The following ASIC2 variants were observed in gnomAD, a reference collection of about 807,000 sequenced individuals.
ASIC2 encodes the protein acid-sensing ion channel 2.
Under a neutral mutation model 57.3 loss-of-function variants are expected in ASIC2, and 25 were observed. The observed-to-expected ratio is 0.44, with a 90% CI of 0.32 to 0.61. ASIC2 has a LOEUF of 0.61. Ranked by LOEUF, ASIC2 falls within the 20% of genes least tolerant of loss-of-function variation. ASIC2 has a pLI of 0.06. For missense variants in ASIC2, 641 were observed against 738.1 expected (o/e 0.87, Z 1.52); for synonymous variants, 319 against 307.5 (o/e 1.04, Z -0.39).
intron 1 of ASIC2, among the ~76,000 whole-genome samples, chr17:33,602,878 T>C (rs555958882): frequency 6.6e-6 from 1 of 152,358 alleles, no homozygotes; most frequent in African/African-American, 2.4e-5. Flanking sequence ...CATCATTCTT[T>C]CTACCTTGTA....
At chr17:33,809,262 C>A (rs577424219) in intron 1 of ASIC2, among the ~76,000 whole-genome samples, 1 of 152,322 alleles carries the variant, frequency 6.6e-6, no homozygotes, top group Non-Finnish European at 1.5e-5. Flanking sequence ...TCTCAACTGG[C>A]GTTCCAGCCC....
intron 1 of ASIC2, among the ~76,000 whole-genome samples, chr17:33,836,847 C>T (rs1444842162): frequency 6.6e-6 from 1 of 151,826 alleles, no homozygotes; most frequent in Non-Finnish European, 1.5e-5. Flanking sequence ...AGCAAGACTC[C>T]GTCTCAAAAA....
At position 33,292,685 on chromosome 17, in the gene ASIC2, C is replaced by T. The variant is rs1905545570; in HGVS notation, c.-570G>A. ...GCCAAGGAACGAGCGCCCCCAGAGG[C>T]GCACCGCGGCTCCTGGCTGGGCGGG... is the stretch of plus-strand genomic sequence containing the variant. On this transcript the variant is annotated 5_prime_UTR_variant, in exon 1 of 10. Coordinates refer to ENST00000225823, the MANE Select transcript of ASIC2 (RefSeq NM_183377.2). 2 of 985,592 alleles carry T rather than the reference C, an allele frequency of 2.0e-6. No homozygotes were observed. Among genetic ancestry groups the T allele is most frequent in the Non-Finnish European group, 2.4e-6 (2 of 830,060 alleles). 61.1% of individuals were successfully genotyped at this position (985,592 alleles called of 1,614,324 possible).
In ASIC2 at chr17:33,098,392, C is replaced by T. The variant is rs1398970474; in HGVS notation, c.860-9402G>A. Reference sequence around the variant, plus strand: ...AGGCACTGTAGGGCAGCATCTCTAGCTAAGGAGATCCGAAATCAGCACAAA... The same window carrying T: ...AGGCACTGTAGGGCAGCATCTCTAGTTAAGGAGATCCGAAATCAGCACAAA... On this transcript the variant is annotated intron_variant, in intron 2 of 9. Transcript: ENST00000225823. 6.6e-5 allele frequency among the ~76,000 whole-genome samples: 10 copies of T among 152,246 alleles called. No homozygotes were observed. In the East Asian group the frequency reaches 1.9e-3, roughly 29 times the overall value.
At chr17:33,804,106 T>A (rs965401386) in intron 1 of ASIC2, among the ~76,000 whole-genome samples, 1 of 152,192 alleles carries the variant, frequency 6.6e-6, no homozygotes, top group South Asian at 2.1e-4. Context: ...GTGTCAGAAG[T>A]CACCTGTTAT....
At chr17:33,802,550 G>T (rs1912159734) in intron 1 of ASIC2, among the ~76,000 whole-genome samples, 1 of 152,184 alleles carries the variant, frequency 6.6e-6, no homozygotes, top group Admixed American at 6.5e-5. Context: ...GGCAGTGTGT[G>T]GAACCTGCTT....
intron 1 of ASIC2, among the ~76,000 whole-genome samples, chr17:33,525,641 TA>T (rs1914864931): frequency 6.6e-6 from 1 of 152,208 alleles, no homozygotes; most frequent in African/African-American, 2.4e-5. Context: ...CAAATGCAAA[TA>T]CCTCTGCATT....
At chr17:33,178,291 T>A (rs1597617593) in intron 1 of ASIC2, among the ~76,000 whole-genome samples, 1 of 152,144 alleles carries the variant, frequency 6.6e-6, no homozygotes, top group East Asian at 1.9e-4. Context: ...ATTAAAAATT[T>A]TAAAATATGA....
intron 1 of ASIC2, among the ~76,000 whole-genome samples, chr17:33,613,211 A>G (rs962355259): frequency 9.2e-5 from 14 of 152,226 alleles, no homozygotes; most frequent in African/African-American, 3.1e-4. Context: ...TTAAAAAATA[A>G]CAGTAATATG....
intron 1 of ASIC2, among the ~76,000 whole-genome samples, chr17:33,218,076 CT>C (rs1907560591): frequency 6.6e-6 from 1 of 152,246 alleles, no homozygotes; most frequent in Admixed American, 6.5e-5. Context: ...AAGACAAAGT[CT>C]TCTTTGCTAC....
chr17:33,503,011 T>C (rs1369816425), intron 1 of ASIC2, among the ~76,000 whole-genome samples: 2 of 152,210 alleles, frequency 1.3e-5, no homozygotes, highest in Admixed American at 6.5e-5. Context: ...AAATTGATAA[T>C]ACCTTGTGAT....
intron 1 of ASIC2, among the ~76,000 whole-genome samples, chr17:33,607,403 C>T (rs1905257113): frequency 6.6e-6 from 1 of 152,084 alleles, no homozygotes; most frequent in Non-Finnish European, 1.5e-5. Context: ...TGGATGCAAC[C>T]CCAGTGGCCC....
rs1567662620 is a variant in ASIC2, at chr17:33,590,576, ACCCC to A, written c.556-478513_556-478510del. 5.0e-3 allele frequency among the ~76,000 whole-genome samples: 750 copies of A among 150,982 alleles called. 5 individuals carry two copies. The highest frequency in any genetic ancestry group is 0.018 in the African/African-American group (719 of 41,028). On this transcript the variant is annotated intron_variant, in intron 1 of 9. Transcript: ENST00000359872. The stretch of plus-strand genomic sequence containing the variant: ...CACCACACCCCAATCTCTACACCAC[ACCCC>A]AATCTCTATACCACACCCCAGTCTC...
intron 1 of ASIC2, chr17:33,692,386 C>T (rs1301319066): frequency 6.6e-6 from 1 of 152,172 alleles, no homozygotes; most frequent in Non-Finnish European, 1.5e-5. Flanking sequence ...CTCCCCACTT[C>T]ACAGAACCCA....
chr17:33,620,734 A>G (rs1905766209), intron 1 of ASIC2, among the ~76,000 whole-genome samples: 1 of 152,222 alleles, frequency 6.6e-6, no homozygotes, highest in Admixed American at 6.5e-5. Flanking sequence ...GATGAAAGAC[A>G]TCTATTTGAA....
At chr17:34,144,221 C>A (rs1308930644) in intron 1 of ASIC2, among the ~76,000 whole-genome samples, 1 of 152,188 alleles carries the variant, frequency 6.6e-6, no homozygotes, top group African/African-American at 2.4e-5. Flanking sequence ...GTGCATAGAA[C>A]AGTGCCTGGG....
intron 1 of ASIC2, among the ~76,000 whole-genome samples, chr17:33,543,610 G>T (rs1466608933): frequency 6.6e-6 from 1 of 152,166 alleles, no homozygotes; most frequent in Admixed American, 6.5e-5. Context: ...AACTGTCTGT[G>T]GTCCCTGCTA....
intron 1 of ASIC2, among the ~76,000 whole-genome samples, chr17:33,589,805 G>A (rs377443449): frequency 6.6e-6 from 1 of 152,052 alleles, no homozygotes. Flanking sequence ...CTACCCTTTG[G>A]CTACTATGAA....
At chr17:33,556,048 G>A (rs540855386) in intron 1 of ASIC2, among the ~76,000 whole-genome samples, 2 of 152,264 alleles carry the variant, frequency 1.3e-5, no homozygotes, top group South Asian at 2.1e-4. Flanking sequence ...GATGACAGCC[G>A]CCCATTCCTG....
Sources: allele counts gnomAD v4.1 joint callset (sites outside exome capture counted in the v4.1 genomes callset), GRCh38; gene constraint gnomAD v4.1.1; transcripts MANE v1.5; gene names NCBI Gene and HGNC (gene_info 2026-07-23, HGNC 2026-07-21).